The following ARID5B variants were observed in gnomAD, a reference collection of about 807,000 sequenced individuals.
ARID5B encodes AT-rich interaction domain 5B, also known as AT-rich interactive domain-containing protein 5B.
ARID5B carries 13 observed loss-of-function variants against 97.2 expected under a neutral mutation model. The observed-to-expected ratio is 0.13, with a 90% CI of 0.09 to 0.21. The LOEUF is 0.21. Ranked by LOEUF, ARID5B falls within the 10% of genes least tolerant of loss-of-function variation. ARID5B has a pLI of 1.00. For missense variants in ARID5B, 1,210 were observed against 1,465.3 expected (o/e 0.83, Z 2.84); for synonymous variants, 556 against 570.3 (o/e 0.97, Z 0.36).
chr10:61,963,197 A>T (rs961885393), intron 3 of ARID5B, among the ~76,000 whole-genome samples: 4 of 152,300 alleles, frequency 2.6e-5, no homozygotes, highest in Middle Eastern at 3.4e-3. Flanking sequence ...TCTCTTTTTT[A>T]GTTCCCTAAT....
chr10:62,044,575 A>C (rs1458239437), intron 4 of ARID5B, among the ~76,000 whole-genome samples: 1 of 151,720 alleles, frequency 6.6e-6, no homozygotes. Flanking sequence ...GTCTCATTAC[A>C]TTGCCCAAGC....
intron 2 of ARID5B, among the ~76,000 whole-genome samples, chr10:61,912,454 G>A (rs1460653750): frequency 6.6e-6 from 1 of 151,830 alleles, no homozygotes; most frequent in Non-Finnish European, 1.5e-5. Context: ...GGATAACTGA[G>A]GTGATGAATG....
At chr10:61,920,121 T>C (rs1843986368) in intron 2 of ARID5B, among the ~76,000 whole-genome samples, 1 of 152,134 alleles carries the variant, frequency 6.6e-6, no homozygotes. Context: ...GTCTTAATTT[T>C]TTTTTCTTTT....
chr10:62,079,550 C>A (rs1365815572), intron 8 of ARID5B, among the ~76,000 whole-genome samples: 1 of 152,198 alleles, frequency 6.6e-6, no homozygotes, highest in Non-Finnish European at 1.5e-5. Context: ...CTAACACAGT[C>A]CCCTGAAATC....
intron 7 of ARID5B, among the ~76,000 whole-genome samples, chr10:62,066,667 A>G (rs1839993654): frequency 1.3e-5 from 2 of 152,188 alleles, no homozygotes; most frequent in South Asian, 4.1e-4. Context: ...AGTATGAGAT[A>G]GATTATTTTT....
rs1840457294 is a variant in ARID5B at position 62,095,537 on chromosome 10, A to G, written c.*2507A>G. 1 of 233,470 alleles carries G rather than the reference A, an allele frequency of 4.3e-6. No individual in the cohort carries two copies. Among genetic ancestry groups the G allele is most frequent in the South Asian group, 1.8e-4 (1 of 5,524 alleles). 14.5% of individuals were successfully genotyped at this position (233,470 alleles called of 1,614,324 possible). A position where few individuals can be genotyped will look rare whatever the true frequency, so the allele number is the denominator to read the frequency against. On this transcript the variant is annotated 3_prime_UTR_variant, in exon 10 of 10. Transcript: ENST00000279873. ...ACATAGTCCAGCTTTTGTTTTTCTC[A>G]TCTCTTCTGAGAGGAGACTCACTGT...
At chr10:62,048,433 G>C (rs1043454464) in intron 4 of ARID5B, among the ~76,000 whole-genome samples, 3 of 152,166 alleles carry the variant, frequency 2.0e-5, no homozygotes, top group Non-Finnish European at 4.4e-5. Flanking sequence ...AGTAGGAGAG[G>C]AATTTGATTT....
intron 5 of ARID5B, among the ~76,000 whole-genome samples, chr10:62,056,439 G>A (rs1839857909): frequency 6.6e-6 from 1 of 152,142 alleles, no homozygotes; most frequent in South Asian, 2.1e-4. Context: ...AAACAGCAGA[G>A]GCCTTGCTGG....
intron 3 of ARID5B, among the ~76,000 whole-genome samples, chr10:61,966,946 C>T (rs1589238661): frequency 6.6e-6 from 1 of 151,986 alleles, no homozygotes; most frequent in African/African-American, 2.4e-5. Flanking sequence ...GAATTCTGCC[C>T]GCATTTTATT....
chr10:62,090,361 T>C (rs1345779118), intron 9 of ARID5B, among the ~76,000 whole-genome samples: 1 of 152,178 alleles, frequency 6.6e-6, no homozygotes, highest in Admixed American at 6.5e-5. Flanking sequence ...ATTGAATACA[T>C]TGGGAAGGGA....
chr10:61,912,666 T>TTA (rs35376293), intron 2 of ARID5B, among the ~76,000 whole-genome samples: 2,614 of 147,298 alleles, frequency 0.018, 19 homozygotes, highest in Non-Finnish European at 0.022. Context: ...ATATGCATGT[T>TTA]TATATATATA....
rs1229112171 is a variant in ARID5B, at chr10:62,091,349, A to C, written c.1886A>C (p.Lys629Thr). The change falls in exon 10 of 10, where the codon AAG becomes ACG. Residue 629 changes from lysine (K) to threonine (T), a missense_variant. By Grantham distance (78) the Lys-to-Thr change is moderately conservative. Transcript: ENST00000279873. ...MADYIANCTVKVDQLGSDDIH... is the reference protein window; with the variant it reads ...MADYIANCTVTVDQLGSDDIH... ...GATTACATTGCCAACTGCACCGTGA[A>C]GGTGGACCAGCTGGGCAGTGACGAC... The C allele has an allele frequency of 6.8e-6, 11 of 1,614,086 alleles. No homozygotes were observed. Among genetic ancestry groups the C allele is most frequent in the Non-Finnish European group, 9.3e-6 (11 of 1,180,032 alleles).
chr10:61,944,982 C>T (rs1844477107), intron 3 of ARID5B, among the ~76,000 whole-genome samples: 1 of 152,160 alleles, frequency 6.6e-6, no homozygotes, highest in South Asian at 2.1e-4. Flanking sequence ...TAAATCTGTC[C>T]CATCAAATTG....
intron 3 of ARID5B, among the ~76,000 whole-genome samples, chr10:61,979,656 G>C (rs565102674): frequency 1.3e-5 from 2 of 152,150 alleles, no homozygotes; most frequent in East Asian, 3.9e-4. Flanking sequence ...GCAAACCAGG[G>C]GTCTACCCTC....
chr10:62,045,015 G>C (rs1342341333), intron 4 of ARID5B, among the ~76,000 whole-genome samples: 1 of 152,068 alleles, frequency 6.6e-6, no homozygotes, highest in Non-Finnish European at 1.5e-5. Context: ...TAATACCAAT[G>C]GTCACTATAT....
chr10:61,989,151 G>C (rs1042264066), intron 3 of ARID5B, among the ~76,000 whole-genome samples: 3 of 151,908 alleles, frequency 2.0e-5, no homozygotes, highest in African/African-American at 4.8e-5. Context: ...GGATGGTCTC[G>C]ATCTCCTGAT....
intron 4 of ARID5B, among the ~76,000 whole-genome samples, chr10:62,036,532 G>A (rs1839566526): frequency 6.6e-6 from 1 of 152,250 alleles, no homozygotes; most frequent in Non-Finnish European, 1.5e-5. Context: ...AGTCCTGCCA[G>A]AAGGACCTGC....
intron 8 of ARID5B, among the ~76,000 whole-genome samples, chr10:62,078,547 T>C (rs904017715): frequency 5.9e-5 from 9 of 152,214 alleles, no homozygotes; most frequent in African/African-American, 2.2e-4. Context: ...TCTGAAGTCA[T>C]TGGGCTTTTT....
intron 3 of ARID5B, among the ~76,000 whole-genome samples, chr10:61,947,698 G>GT (rs2132807214): frequency 6.6e-6 from 1 of 152,338 alleles, no homozygotes; most frequent in East Asian, 1.9e-4. Flanking sequence ...CCTTGTAATA[G>GT]TGGTAGAATG....
Sources: gnomAD v4.1 joint callset for allele counts (sites outside exome capture counted in the v4.1 genomes callset) on GRCh38, gnomAD v4.1.1 for gene constraint, MANE v1.5 for transcripts, NCBI Gene and HGNC (gene_info 2026-07-23, HGNC 2026-07-21) for gene names.